PTK2B: variants seen among roughly 807,000 people sequenced by gnomAD.
The protein encoded by PTK2B is protein tyrosine kinase 2 beta, also known as protein-tyrosine kinase 2-beta.
A neutral mutation model predicts 142.9 loss-of-function variants in PTK2B; 71 were observed. That is an observed-to-expected ratio of 0.50 (90% CI 0.41 to 0.61). The LOEUF (loss-of-function observed/expected upper bound fraction) is 0.61, where lower values mean the gene tolerates loss of function less well. PTK2B is among the 20% of genes least tolerant of loss of function. The pLI is 0.00. For missense variants in PTK2B, 1,105 were observed against 1,320.4 expected (o/e 0.84, Z 2.53); for synonymous variants, 519 against 503.4 (o/e 1.03, Z -0.42).
intron 2 of PTK2B, among the ~76,000 whole-genome samples, chr8:27,404,368 C>G (rs1808576081): frequency 6.6e-6 from 1 of 152,180 alleles, no homozygotes; most frequent in Non-Finnish European, 1.5e-5. Flanking sequence ...AGTCCTCTCT[C>G]TCAGCCAGTT....
intron 30 of PTK2B, among the ~76,000 whole-genome samples, chr8:27,458,068 C>T (rs1458389107): frequency 4.6e-5 from 7 of 151,536 alleles, no homozygotes; most frequent in Non-Finnish European, 8.8e-5. Flanking sequence ...TCAGGCTGGG[C>T]TTACACAGGG....
intron 1 of PTK2B, among the ~76,000 whole-genome samples, chr8:27,344,961 C>T (rs965345837): frequency 1.3e-5 from 2 of 152,178 alleles, no homozygotes; most frequent in African/African-American, 2.4e-5. Flanking sequence ...CACTTGAGAT[C>T]AGGAGTTTGA....
chr8:27,388,255 A>G (rs960026416), intron 1 of PTK2B, among the ~76,000 whole-genome samples: 1 of 152,186 alleles, frequency 6.6e-6, no homozygotes, highest in East Asian at 1.9e-4. Context: ...ACCCACTCAG[A>G]GGGGGACATG....
At chr8:27,391,116 T>C (rs1450744663) in intron 1 of PTK2B, among the ~76,000 whole-genome samples, 1 of 151,982 alleles carries the variant, frequency 6.6e-6, no homozygotes, top group African/African-American at 2.4e-5. Context: ...GTTTCGCTCT[T>C]TTCCCCCAGT....
chr8:27,418,259 A>C (rs1809523896), intron 2 of PTK2B, among the ~76,000 whole-genome samples: 1 of 152,228 alleles, frequency 6.6e-6, no homozygotes, highest in Admixed American at 6.5e-5. Context: ...GGAGTCCAGA[A>C]GGGCTAGCAA....
intron 3 of PTK2B, among the ~76,000 whole-genome samples, chr8:27,315,558 T>C (rs1803076110): frequency 6.6e-6 from 1 of 152,180 alleles, no homozygotes; most frequent in Non-Finnish European, 1.5e-5. Context: ...GTCCCAGTTG[T>C]GTTGTGAATC....
At chr8:27,370,006 A>C (rs1039585104) in intron 1 of PTK2B, among the ~76,000 whole-genome samples, 1 of 152,268 alleles carries the variant, frequency 6.6e-6, no homozygotes, top group Non-Finnish European at 1.5e-5. Context: ...TAAGTCAGAG[A>C]TTATCAGAGC....
chr8:27,356,869 G>T (rs1332448926), intron 1 of PTK2B, among the ~76,000 whole-genome samples: 1 of 152,208 alleles, frequency 6.6e-6, no homozygotes, highest in Non-Finnish European at 1.5e-5. Flanking sequence ...TGAAACTGTA[G>T]AGATGGAGAG....
At chr8:27,375,099 GA>G (rs1168494644) in intron 1 of PTK2B, among the ~76,000 whole-genome samples, 1 of 152,242 alleles carries the variant, frequency 6.6e-6, no homozygotes, top group Non-Finnish European at 1.5e-5. Context: ...TGTGAGGCTG[GA>G]AGGGGCTGAT....
At chr8:27,332,906 C>A (rs1361714788) in intron 1 of PTK2B, among the ~76,000 whole-genome samples, 1 of 152,170 alleles carries the variant, frequency 6.6e-6, no homozygotes, top group African/African-American at 2.4e-5. Flanking sequence ...TATCTGTCCT[C>A]ACAAAGTTTA....
intron 1 of PTK2B, among the ~76,000 whole-genome samples, chr8:27,359,235 C>T (rs1011113642): frequency 3.3e-5 from 5 of 152,188 alleles, no homozygotes; most frequent in Non-Finnish European, 5.9e-5. Context: ...CCTGCCACAG[C>T]CTCCCGAGTA....
intron 1 of PTK2B, among the ~76,000 whole-genome samples, chr8:27,351,039 A>ATATATG (rs1805061497): frequency 9.5e-6 from 1 of 105,234 alleles, no homozygotes; most frequent in African/African-American, 4.1e-5. Flanking sequence ...ATATATATAT[A>ATATATG]TACGTGCTTG....
At chr8:27,379,295 G>A (rs1806868764) in intron 1 of PTK2B, among the ~76,000 whole-genome samples, 1 of 152,324 alleles carries the variant, frequency 6.6e-6, no homozygotes, top group South Asian at 2.1e-4. Context: ...AGGCTGGAGT[G>A]CAATGGCACA....
At chr8:27,437,558 C>G (rs1810865352) in intron 17 of PTK2B, 62 bp downstream of exon 17, 1 of 1,360,246 alleles carries the variant, frequency 7.4e-7, no homozygotes, top group African/African-American at 1.5e-5. Context: ...CAGAGCACAG[C>G]CCATTCCTCC....
chr8:27,405,607 G>T (rs1233057423), intron 2 of PTK2B, among the ~76,000 whole-genome samples: 2 of 152,198 alleles, frequency 1.3e-5, no homozygotes, highest in Non-Finnish European at 2.9e-5. Flanking sequence ...CCTGTTTCCT[G>T]TGTGTGCTCT....
chr8:27,451,649 A>T (rs1330727306), intron 27 of PTK2B, 140 bp downstream of exon 27: 1 of 1,513,782 alleles, frequency 6.6e-7, no homozygotes, highest in African/African-American at 1.4e-5. Flanking sequence ...AATTCAGAGC[A>T]TGTGGGGCAG....
chr8:27,321,179 A>G (rs781716893), upstream of PTK2B, among the ~76,000 whole-genome samples: 7 of 151,258 alleles, frequency 4.6e-5, no homozygotes, highest in Non-Finnish European at 7.4e-5. Context: ...ATTTTTTTGT[A>G]CAGATGAAGT....
intron 30 of PTK2B, 107 bp from the exon 31 acceptor site, chr8:27,458,187 C>T: frequency 1.7e-6 from 2 of 1,145,312 alleles, no homozygotes; most frequent in South Asian, 3.0e-5. Flanking sequence ...TTCCAGGGAA[C>T]TTCTGATTGC....
chr8:27,430,854 C>G (rs779558127), intron 7 of PTK2B, 22 bp from the exon 8 acceptor site: 2 of 1,610,806 alleles, frequency 1.2e-6, no homozygotes, highest in South Asian at 2.2e-5. Flanking sequence ...GCATTGCTCA[C>G]ACGGCCCATC....
Sources: allele counts gnomAD v4.1 joint callset (sites outside exome capture counted in the v4.1 genomes callset), GRCh38; gene constraint gnomAD v4.1.1; transcripts MANE v1.5; gene names NCBI Gene and HGNC (gene_info 2026-07-23, HGNC 2026-07-21).